ZSWIM6: variants seen among roughly 807,000 people sequenced by gnomAD.
ZSWIM6 encodes zinc finger SWIM domain-containing protein 6.
In ZSWIM6, 9 loss-of-function variants were observed where a neutral mutation model predicts 113.2. The observed-to-expected ratio is 0.08, with a 90% confidence interval of 0.05 to 0.14. The LOEUF (loss-of-function observed/expected upper bound fraction) is 0.14. ZSWIM6 is among the 10% of genes least tolerant of loss of function. ZSWIM6 has a pLI of 1.00. For synonymous variants in ZSWIM6, 611 were observed against 606.5 expected, an observed-to-expected ratio of 1.01 and a Z score of -0.11; for missense variants, 1,162 against 1,552.2, an observed-to-expected ratio of 0.75 and a Z score of 4.22.
rs76811816 is a variant in ZSWIM6 at position 61,332,947 on chromosome 5, C to T, written c.675C>T (p.Val225=). 21,523 of 1,303,474 alleles carry T rather than the reference C, an allele frequency of 0.017. 856 individuals carry two copies. In the East Asian group the frequency reaches 0.19, roughly 12 times the overall value. 80.7% of individuals were successfully genotyped at this position (1,303,474 alleles called of 1,614,324 possible). A position where few individuals can be genotyped will look rare whatever the true frequency, so the allele number is the denominator to read the frequency against. Residue 225 remains valine, a splice_region_variant and synonymous_variant, in exon 1 of 14, where the codon GTC becomes GTT. Coordinates refer to ENST00000252744, the MANE Select transcript of ZSWIM6 (RefSeq NM_020928.2). The part of the protein sequence containing the change: ...ESGCVDNVLQ[V]GFHLSGTVTE... Reference sequence around the variant, plus strand: ...GCTGCGTAGACAACGTCCTGCAAGTCGGTGAGTCACGGGGCAGCCGCGAGC... The same window carrying T: ...GCTGCGTAGACAACGTCCTGCAAGTTGGTGAGTCACGGGGCAGCCGCGAGC...
intron 1 of ZSWIM6, among the ~76,000 whole-genome samples, chr5:61,353,507 C>T (rs1744833592): frequency 6.6e-6 from 1 of 152,168 alleles, no homozygotes; most frequent in Admixed American, 6.5e-5. Flanking sequence ...TGTCTTTTTG[C>T]ACATGTGTCA....
chr5:61,333,380 G>C lies in ZSWIM6; in HGVS notation c.676+432G>C, dbSNP rs977022900. 2.0e-5 allele frequency among the ~76,000 whole-genome samples: 3 copies of C among 151,820 alleles called. No homozygotes were observed. In the East Asian group the frequency reaches 5.9e-4, roughly 30 times the overall value. On this transcript the variant is annotated intron_variant, in intron 1 of 13. Coordinates refer to ENST00000252744, the MANE Select transcript of ZSWIM6 (RefSeq NM_020928.2). ...GGGGGCGCGGGCCGCAGACAATGCC[G>C]GCCGCGGCCCGGCCGCTCGGCGCTC...
intron 1 of ZSWIM6, among the ~76,000 whole-genome samples, chr5:61,378,134 C>T (rs1745408038): frequency 6.6e-6 from 1 of 151,990 alleles, no homozygotes; most frequent in South Asian, 2.1e-4. Flanking sequence ...CCTATTTGAC[C>T]CAACAATTTA....
At chr5:61,394,863 G>A (rs1745807912) in intron 1 of ZSWIM6, among the ~76,000 whole-genome samples, 2 of 152,268 alleles carry the variant, frequency 1.3e-5, no homozygotes, top group South Asian at 4.1e-4. Context: ...GGTACTAAGT[G>A]TTAGAAGAGG....
chr5:61,460,582 C>G (rs1747302785), intron 1 of ZSWIM6, among the ~76,000 whole-genome samples: 1 of 152,098 alleles, frequency 6.6e-6, no homozygotes, highest in Non-Finnish European at 1.5e-5. Flanking sequence ...GATATTATCT[C>G]TTCTTATTTC....
chr5:61,504,677 T>C (rs1025199561), intron 4 of ZSWIM6, among the ~76,000 whole-genome samples: 2 of 152,228 alleles, frequency 1.3e-5, no homozygotes, highest in South Asian at 2.1e-4. Flanking sequence ...CTAATCATCA[T>C]TGGTAAATAT....
intron 1 of ZSWIM6, among the ~76,000 whole-genome samples, chr5:61,435,973 G>A (rs1009604805): frequency 3.3e-5 from 5 of 152,176 alleles, no homozygotes; most frequent in South Asian, 2.1e-4. Context: ...AGGCCAAGGC[G>A]AGCGGATCAC....
intron 4 of ZSWIM6, among the ~76,000 whole-genome samples, chr5:61,502,666 T>G (rs1418929611): frequency 6.6e-6 from 1 of 152,194 alleles, no homozygotes; most frequent in Admixed American, 6.5e-5. Context: ...TATCAGTCCG[T>G]GGCCTGTTAG....
At chr5:61,339,966 AGTCTT>A (rs1187778153) in intron 1 of ZSWIM6, among the ~76,000 whole-genome samples, 1 of 152,198 alleles carries the variant, frequency 6.6e-6, no homozygotes, top group Non-Finnish European at 1.5e-5. Context: ...AGTGTTACTG[AGTCTT>A]GTCTTGTGAA....
At chr5:61,358,185 A>G (rs538665686) in intron 1 of ZSWIM6, among the ~76,000 whole-genome samples, 6 of 152,278 alleles carry the variant, frequency 3.9e-5, no homozygotes, top group Non-Finnish European at 5.9e-5. Context: ...ATGGCTGATA[A>G]AAGTTACTAC....
intron 2 of ZSWIM6, among the ~76,000 whole-genome samples, chr5:61,477,730 A>G (rs775641411): frequency 2.6e-5 from 4 of 152,196 alleles, no homozygotes; most frequent in Non-Finnish European, 5.9e-5. Context: ...TCTTCATTGC[A>G]TAGCTCTTCA....
At chr5:61,403,988 C>T (rs1745993653) in intron 1 of ZSWIM6, among the ~76,000 whole-genome samples, 1 of 151,570 alleles carries the variant, frequency 6.6e-6, no homozygotes, top group Non-Finnish European at 1.5e-5. Flanking sequence ...CAGTAGCCAT[C>T]TTGGGAGGTT....
intron 1 of ZSWIM6, among the ~76,000 whole-genome samples, chr5:61,416,096 T>C (rs189044903): frequency 6.6e-6 from 1 of 152,328 alleles, no homozygotes; most frequent in East Asian, 1.9e-4. Context: ...AAAAGGGTTA[T>C]ATGGAAGTGT....
At chr5:61,531,868 G>T in intron 9 of ZSWIM6, 143 bp downstream of exon 9, 3 of 926,596 alleles carry the variant, frequency 3.2e-6, no homozygotes, top group Non-Finnish European at 4.7e-6. Context: ...AGACATGTTC[G>T]CTGTCTAAAA....
chr5:61,366,282 A>G (rs1013711043), intron 1 of ZSWIM6, among the ~76,000 whole-genome samples: 1 of 152,096 alleles, frequency 6.6e-6, no homozygotes, highest in Non-Finnish European at 1.5e-5. Flanking sequence ...TAATATACCA[A>G]CCTGTACCCA....
chr5:61,431,904 T>C (rs900175196), intron 1 of ZSWIM6, among the ~76,000 whole-genome samples: 13 of 152,362 alleles, frequency 8.5e-5, no homozygotes, highest in African/African-American at 3.1e-4. Flanking sequence ...TTTTCTTTTT[T>C]CTGTTTTTGT....
intron 1 of ZSWIM6, among the ~76,000 whole-genome samples, chr5:61,463,654 G>A (rs186003685): frequency 1.8e-4 from 28 of 152,256 alleles, no homozygotes; most frequent in Admixed American, 1.3e-4. Flanking sequence ...TCTGTGATGG[G>A]GATTCCACAG....
intron 1 of ZSWIM6, among the ~76,000 whole-genome samples, chr5:61,354,044 T>A (rs750047125): frequency 2.0e-5 from 3 of 152,242 alleles, no homozygotes; most frequent in Non-Finnish European, 4.4e-5. Context: ...TTCCCCGCTT[T>A]GTTTTAGGAA....
chr5:61,412,356 C>T (rs887203950), intron 1 of ZSWIM6, among the ~76,000 whole-genome samples: 20 of 152,202 alleles, frequency 1.3e-4, no homozygotes, highest in South Asian at 8.3e-4. Context: ...GGTTTGATCC[C>T]CTGAAGACTG....
Sources: gnomAD v4.1 joint callset for allele counts (sites outside exome capture counted in the v4.1 genomes callset) on GRCh38, gnomAD v4.1.1 for gene constraint, MANE v1.5 for transcripts, NCBI Gene and HGNC (gene_info 2026-07-23, HGNC 2026-07-21) for gene names.